The following EIF4G3 variants were observed in gnomAD, a reference collection of about 807,000 sequenced individuals.
The protein encoded by EIF4G3 is eukaryotic translation initiation factor 4 gamma 3.
A neutral mutation model predicts 186.4 loss-of-function variants in EIF4G3; 34 were observed. The ratio of observed to expected loss-of-function variants is 0.18; its 90% CI spans 0.14 to 0.24. The LOEUF is 0.24. EIF4G3 is among the 10% of genes least tolerant of loss of function. EIF4G3 has a pLI of 1.00. For synonymous variants in EIF4G3, 673 were observed against 679.5 expected (o/e 0.99, Z 0.15); for missense variants, 1,536 against 1,948.5 (o/e 0.79, Z 3.99).
At chr1:21,147,419 C>A (rs995349130) in intron 2 of EIF4G3, among the ~76,000 whole-genome samples, 4 of 151,808 alleles carry the variant, frequency 2.6e-5, no homozygotes, top group Non-Finnish European at 4.4e-5. Flanking sequence ...CGGCTCACTG[C>A]AACCTCCACC....
intron 14 of EIF4G3, among the ~76,000 whole-genome samples, chr1:20,922,804 A>C (rs1373254593): frequency 6.6e-6 from 1 of 152,220 alleles, no homozygotes; most frequent in African/African-American, 2.4e-5. Context: ...TTAGGGTTTG[A>C]GTTCTTTGAG....
In EIF4G3 at chr1:20,810,523, A is replaced by C. The variant is rs2059033799; in HGVS notation, c.4744+215T>G. 6.6e-6 allele frequency among the ~76,000 whole-genome samples: 1 copy of C among 152,104 alleles called. No individual in the cohort carries two copies. The highest frequency in any genetic ancestry group is 2.1e-4 in the South Asian group (1 of 4,830). On this transcript the variant is annotated intron_variant, in intron 36 of 36. Transcript: ENST00000602326. The surrounding 1 kb of genome is among the most constrained non-coding windows in gnomAD (Gnocchi z 4.1). ...GGCTGGTCTTGAACTCTTGACCTCAAGTGATCTGCCTGCCGTGGCCTCCCA... is the reference window on the plus strand; with the variant it reads ...GGCTGGTCTTGAACTCTTGACCTCACGTGATCTGCCTGCCGTGGCCTCCCA...
intron 2 of EIF4G3, chr1:21,161,773 G>A (rs1463452327): frequency 6.6e-6 from 1 of 152,104 alleles, no homozygotes; most frequent in Non-Finnish European, 1.5e-5. Context: ...TTCGAGACCA[G>A]CCTAATCAAC....
At chr1:20,869,005 C>T (rs1246971707) in intron 20 of EIF4G3, among the ~76,000 whole-genome samples, 2 of 152,120 alleles carry the variant, frequency 1.3e-5, no homozygotes, top group Non-Finnish European at 2.9e-5. Flanking sequence ...ACATGCTTAT[C>T]CCCAAAAGGA....
At chr1:20,847,969 CTTTTT>C in intron 29 of EIF4G3, 4 of 382,992 alleles carry the variant, frequency 1.0e-5, no homozygotes, top group South Asian at 6.0e-5. Flanking sequence ...GTAATATTTT[CTTTTT>C]TTTTGTTTGT....
At chr1:21,018,270 G>A (rs1017189677) in intron 4 of EIF4G3, among the ~76,000 whole-genome samples, 13 of 152,034 alleles carry the variant, frequency 8.6e-5, no homozygotes, top group East Asian at 5.8e-4. Context: ...TTAATGCCAC[G>A]GAACTATAAA....
intron 34 of EIF4G3, among the ~76,000 whole-genome samples, chr1:20,815,750 C>T (rs1475022631): frequency 3.8e-5 from 5 of 133,052 alleles, no homozygotes; most frequent in African/African-American, 1.1e-4. Context: ...CCCCTCTGCC[C>T]GGCCAGTTGC....
At chr1:21,003,281 A>G (rs574802620) in intron 4 of EIF4G3, among the ~76,000 whole-genome samples, 510 of 150,152 alleles carry the variant, frequency 3.4e-3, no homozygotes, top group African/African-American at 0.011. Context: ...GCACCTGAAC[A>G]ACTTTTTAAT....
intron 7 of EIF4G3, among the ~76,000 whole-genome samples, chr1:20,986,293 G>A (rs1354325636): frequency 6.6e-6 from 1 of 152,056 alleles, no homozygotes; most frequent in African/African-American, 2.4e-5. Flanking sequence ...AGAATCACAG[G>A]AGCAGTTTTG....
At position 20,886,230 on chromosome 1, in the gene EIF4G3, C is replaced by G. The variant is rs1288603537; in HGVS notation, c.2395G>C (p.Ala799Pro). Residue 799 changes from alanine (A) to proline (P), a missense_variant, in exon 19 of 37, where the codon GCC becomes CCC. Around this residue, in one of 11 missense-constraint regions of EIF4G3, gnomAD observed 139 missense variants for 192.8 expected, o/e 0.72. Transcript: ENST00000602326. ...WKPSQKRDSQ[A>P]DDPENIKTQE... Reference sequence around the variant, plus strand: ...GTTTTAATGTTTTCGGGATCATCGGCTTGGCTGTCTCGTTTTTGGCTTGGC... The same window carrying G: ...GTTTTAATGTTTTCGGGATCATCGGGTTGGCTGTCTCGTTTTTGGCTTGGC... 6.2e-7 allele frequency: 1 copy of G among 1,613,864 alleles called. No individual in the cohort carries two copies. Among genetic ancestry groups the G allele is most frequent in the South Asian group, 1.1e-5 (1 of 91,046 alleles).
At chr1:21,129,330 T>C (rs755636393) in intron 2 of EIF4G3, among the ~76,000 whole-genome samples, 5 of 145,892 alleles carry the variant, frequency 3.4e-5, no homozygotes, top group Non-Finnish European at 7.6e-5. Context: ...AAAAAAAAAC[T>C]GCTAAAAGTT....
At chr1:20,869,771 T>C in intron 20 of EIF4G3, among the ~76,000 whole-genome samples, 1 of 103,520 alleles carries the variant, frequency 9.7e-6, no homozygotes, top group South Asian at 3.6e-4. Flanking sequence ...CAAGACTACG[T>C]CTCAAAAAAA....
chr1:20,864,763 A>G, intron 21 of EIF4G3, 51 bp from the exon 22 acceptor site: 1 of 1,389,784 alleles, frequency 7.2e-7, no homozygotes, highest in South Asian at 1.2e-5. Context: ...GTTGTACTGC[A>G]CAATAAACAC....
intron 20 of EIF4G3, among the ~76,000 whole-genome samples, chr1:20,873,207 A>G (rs1057248028): frequency 1.3e-5 from 2 of 152,206 alleles, no homozygotes; most frequent in Non-Finnish European, 2.9e-5. Flanking sequence ...ATCCATGCCC[A>G]TGTAGTTGTA....
chr1:20,879,075 C>CT (rs1176662548), intron 20 of EIF4G3, among the ~76,000 whole-genome samples: 2 of 152,190 alleles, frequency 1.3e-5, no homozygotes, highest in South Asian at 2.1e-4. Flanking sequence ...AAACCTGACT[C>CT]TATCTTTCTT....
rs2079328870 is a variant in EIF4G3, at chr1:20,985,752, C to T, written c.178-3344G>A. ...AACAATCATTAAGAGTCAAACTCTC[C>T]TGAATGGAAGGAGCCATTTAGTCTC... is the stretch of plus-strand genomic sequence containing the variant. On this transcript the variant is annotated intron_variant, in intron 7 of 36. Transcript: ENST00000602326. 2.0e-5 allele frequency among the ~76,000 whole-genome samples: 3 copies of T among 152,282 alleles called. No homozygotes were observed. The South Asian group carries it at 6.2e-4, about 32-fold the overall frequency.
chr1:20,823,006 G>A (rs932970088), intron 33 of EIF4G3, among the ~76,000 whole-genome samples: 4 of 152,024 alleles, frequency 2.6e-5, no homozygotes, highest in Non-Finnish European at 4.4e-5. Flanking sequence ...GGCTTTCATG[G>A]TTGCTACTGC....
intron 14 of EIF4G3, among the ~76,000 whole-genome samples, chr1:20,918,057 G>A (rs1379864839): frequency 6.6e-6 from 1 of 151,560 alleles, no homozygotes; most frequent in Admixed American, 6.6e-5. Context: ...TGTTTTTAAT[G>A]ACAAATGTGT....
chr1:20,825,732 C>T (rs1017153882), intron 32 of EIF4G3, among the ~76,000 whole-genome samples: 1 of 152,194 alleles, frequency 6.6e-6, no homozygotes, highest in Admixed American at 6.5e-5. Context: ...ATTCAAGAAG[C>T]CTCACTAGAA....
Sources: gnomAD v4.1 joint callset for allele counts (sites outside exome capture counted in the v4.1 genomes callset) on GRCh38, gnomAD v4.1.1 for gene constraint, gnomAD v4.1.1 regional missense constraint, Gnocchi (gnomAD v3.1) non-coding constraint, MANE v1.5 for transcripts, NCBI Gene and HGNC (gene_info 2026-07-23, HGNC 2026-07-21) for gene names.